Variants in PRCC observed in about 807,000 individuals in gnomAD.
PRCC encodes proline rich mitotic checkpoint control factor, also known as proline-rich protein PRCC.
A neutral mutation model predicts 44.0 loss-of-function variants in PRCC; 10 were observed. The ratio of observed to expected loss-of-function variants is 0.23; its 90% CI spans 0.14 to 0.39. PRCC has a LOEUF of 0.39. Ranked by LOEUF, PRCC falls within the 10% of genes least tolerant of loss-of-function variation. The probability of loss-of-function intolerance (pLI) is 1.00; values close to 1 mark genes in which losing one functional copy is unlikely to be tolerated. For synonymous variants in PRCC, 278 were observed against 259.5 expected (o/e 1.07, Z -0.69); for missense variants, 573 against 624.7 (o/e 0.92, Z 0.88).
At chr1:156,769,502 A>T (rs1651544780) in intron 1 of PRCC, among the ~76,000 whole-genome samples, 1 of 152,232 alleles carries the variant, frequency 6.6e-6, no homozygotes, top group African/African-American at 2.4e-5. Context: ...ATATTTTGTG[A>T]GTGAAAGAAC....
At chr1:156,797,382 G>A (rs752643868) in intron 6 of PRCC, 41 bp downstream of exon 6, 3 of 1,609,984 alleles carry the variant, frequency 1.9e-6, no homozygotes, top group Non-Finnish European at 2.5e-6. Flanking sequence ...CAGGATCTCT[G>A]TAAATCTGGG....
intron 1 of PRCC, among the ~76,000 whole-genome samples, chr1:156,776,033 C>T (rs1202807265): frequency 6.6e-6 from 1 of 152,084 alleles, no homozygotes. Flanking sequence ...TGAGATGATT[C>T]ATAATAGGGG....
chr1:156,780,028 C>T (rs960405193), intron 1 of PRCC, among the ~76,000 whole-genome samples: 2 of 151,948 alleles, frequency 1.3e-5, no homozygotes, highest in African/African-American at 4.8e-5. Context: ...GAAGTGCGCA[C>T]CACCACGCCT....
intron 3 of PRCC, among the ~76,000 whole-genome samples, chr1:156,787,485 A>C (rs1571587990): frequency 9.5e-5 from 1 of 10,554 alleles, no homozygotes. Context: ...ATATATATAT[A>C]TATATATATA....
intron 1 of PRCC, among the ~76,000 whole-genome samples, chr1:156,774,567 G>T (rs1283058079): frequency 6.6e-6 from 1 of 151,984 alleles, no homozygotes; most frequent in East Asian, 1.9e-4. Context: ...GCTTACTGCA[G>T]CCTCTACCTC....
intron 2 of PRCC, among the ~76,000 whole-genome samples, chr1:156,785,761 G>T (rs1329051753): frequency 6.6e-6 from 1 of 151,498 alleles, no homozygotes; most frequent in Admixed American, 6.6e-5. Context: ...CGTCATTAGC[G>T]CTGCTGAGGG....
intron 3 of PRCC, among the ~76,000 whole-genome samples, chr1:156,788,394 G>A (rs982958316): frequency 6.6e-6 from 1 of 152,024 alleles, no homozygotes; most frequent in Non-Finnish European, 1.5e-5. Flanking sequence ...TCTTTATTCA[G>A]TCCACTGTTG....
chr1:156,792,834 G>T (rs1221213280), intron 4 of PRCC, among the ~76,000 whole-genome samples: 4 of 152,134 alleles, frequency 2.6e-5, no homozygotes, highest in Non-Finnish European at 4.4e-5. Flanking sequence ...AAAAATTTTG[G>T]ATTCTTTCAC....
chr1:156,788,159 C>A (rs1215463131), intron 3 of PRCC, among the ~76,000 whole-genome samples: 1 of 152,144 alleles, frequency 6.6e-6, no homozygotes, highest in East Asian at 1.9e-4. Flanking sequence ...TTGATCCTTA[C>A]CTTCCACACT....
At chr1:156,771,073 G>A (rs188320199) in intron 1 of PRCC, among the ~76,000 whole-genome samples, 1 of 152,332 alleles carries the variant, frequency 6.6e-6, no homozygotes. Context: ...AGGTTGGGGA[G>A]CCCTCTGGGG....
chr1:156,794,236 T>A (rs981574950), intron 4 of PRCC, among the ~76,000 whole-genome samples: 1 of 152,134 alleles, frequency 6.6e-6, no homozygotes, highest in East Asian at 1.9e-4. Flanking sequence ...GGATTACAGA[T>A]GTGAGCCACT....
At chr1:156,784,495 A>G (rs1480788726) in intron 2 of PRCC, among the ~76,000 whole-genome samples, 2 of 152,210 alleles carry the variant, frequency 1.3e-5, no homozygotes, top group Non-Finnish European at 2.9e-5. Flanking sequence ...TGTTGTAGCC[A>G]TGACCCCAGA....
chr1:156,776,201 A>G (rs978757512), intron 1 of PRCC, among the ~76,000 whole-genome samples: 5 of 152,194 alleles, frequency 3.3e-5, no homozygotes, highest in Non-Finnish European at 7.3e-5. Flanking sequence ...TATCTCTACA[A>G]AAAAATTTTA....
At chr1:156,782,198 C>A in intron 1 of PRCC, 84 bp from the exon 2 acceptor site, 1 of 1,307,146 alleles carries the variant, frequency 7.7e-7, no homozygotes, top group South Asian at 1.3e-5. Flanking sequence ...CACTGTTGTC[C>A]AACCCTTCAT....
At chr1:156,800,253 A>G in intron 6 of PRCC, 121 bp from the exon 7 acceptor site, 1 of 838,746 alleles carries the variant, frequency 1.2e-6, no homozygotes. Flanking sequence ...AGGGGTTTGC[A>G]GTTCCCCCAT....
chr1:156,774,157 C>T lies in PRCC; in HGVS notation c.468+5918C>T, dbSNP rs1482741583. On this transcript the variant is annotated intron_variant, in intron 1 of 6. Transcript: ENST00000271526. The stretch of plus-strand genomic sequence containing the variant: ...GAGTTTCTTTCTTTTTTTGAGTCAC[C>T]TTTTTTTTTTTTTTTTTTTTTTTTT... 3.0e-4 allele frequency among the ~76,000 whole-genome samples: 16 copies of T among 54,004 alleles called. 2 individuals carry two copies. Among genetic ancestry groups the T allele is most frequent in the East Asian group, 1.7e-3 (2 of 1,198 alleles). 35.4% of individuals were successfully genotyped at this position (54,004 alleles called of 152,430 possible).
chr1:156,769,965 CAA>C (rs397784329), intron 1 of PRCC, among the ~76,000 whole-genome samples: 1 of 140,200 alleles, frequency 7.1e-6, no homozygotes, highest in African/African-American at 2.6e-5. Context: ...GTCTAGGATC[CAA>C]AAAAAAAAAG....
At position 156,768,164 on chromosome 1, in the gene PRCC, C is replaced by G. The variant is rs754918972; in HGVS notation, c.393C>G (p.Pro131=). 3 of 1,554,192 alleles carry G rather than the reference C, an allele frequency of 1.9e-6. No individual in the cohort carries two copies. The highest frequency in any genetic ancestry group is 1.4e-5 in the African/African-American group (1 of 73,630). The change falls in exon 1 of 7, where the codon CCC becomes CCG. Residue 131 remains proline (P), a synonymous_variant. Coordinates refer to ENST00000271526, the MANE Select transcript of PRCC (RefSeq NM_005973.5). The part of the protein sequence containing the change: ...NLPPPIGGAG[P]PLGLPKPKKR... ...CCCCTCCAATTGGCGGTGCCGGTCC[C>G]CCGCTGGGGCTTCCCAAGCCAAAGA...
chr1:156,794,850 G>A (rs372046240), intron 5 of PRCC, 42 bp downstream of exon 5: 2 of 1,609,994 alleles, frequency 1.2e-6, no homozygotes, highest in African/African-American at 2.7e-5. Context: ...TTGGGAAGCT[G>A]CAAAGCAAAA....
Sources: gnomAD v4.1 joint callset for allele counts (sites outside exome capture counted in the v4.1 genomes callset) on GRCh38, gnomAD v4.1.1 for gene constraint, MANE v1.5 for transcripts, NCBI Gene and HGNC (gene_info 2026-07-23, HGNC 2026-07-21) for gene names.